PILRB: variants seen among roughly 807,000 people sequenced by gnomAD.
PILRB encodes the protein paired immunoglobulin-like type 2 receptor beta.
A neutral mutation model predicts 20.5 loss-of-function variants in PILRB; 21 were observed. The observed-to-expected ratio is 1.02, with a 90% CI of 0.72 to 1.47. PILRB has a LOEUF of 1.47. Among genes scored for constraint, PILRB ranks in the 40% most tolerant of loss-of-function variants. The pLI is 0.00. For missense variants in PILRB, 253 were observed against 272.1 expected (o/e 0.93, Z 0.49); for synonymous variants, 133 against 115.1 (o/e 1.16, Z -0.99).
intron 3 of PILRB, among the ~76,000 whole-genome samples, chr7:100,365,842 T>C (rs1049753585): frequency 6.6e-6 from 1 of 151,970 alleles, no homozygotes; most frequent in African/African-American, 2.4e-5. Flanking sequence ...TGGGTTTCAG[T>C]TTCGCAAGAT....
rs147249589 is a variant in PILRB, at chr7:100,364,518, G to T, written c.656-2831G>T. Among the ~76,000 whole-genome samples, 538 of 152,268 alleles carry T rather than the reference G, an allele frequency of 3.5e-3. 4 individuals carry two copies. The highest frequency in any genetic ancestry group is 0.012 in the African/African-American group (510 of 41,528). On this transcript the variant is annotated intron_variant, in intron 3 of 3. Transcript: ENST00000609309. Reference sequence around the variant, plus strand: ...ATCAAGGTTGTTTGACTCCAGGGCAGGATTTATGATACGTACCTGCTCTTA... The same window carrying T: ...ATCAAGGTTGTTTGACTCCAGGGCATGATTTATGATACGTACCTGCTCTTA...
At chr7:100,360,396 T>A (rs180733927) in intron 3 of PILRB, among the ~76,000 whole-genome samples, 27 of 152,316 alleles carry the variant, frequency 1.8e-4, no homozygotes, top group African/African-American at 6.0e-4. Context: ...CAGGGAGGAC[T>A]TCCCACAGGA....
intron 1 of PILRB, 87 bp downstream of exon 1, chr7:100,358,453 G>A: frequency 6.6e-7 from 1 of 1,511,324 alleles, no homozygotes; most frequent in East Asian, 2.3e-5. Context: ...TCTGGGGCAG[G>A]GGCCAGGCTC....
chr7:100,367,124 C>G (rs1374736743), intron 3 of PILRB, among the ~76,000 whole-genome samples: 1 of 152,132 alleles, frequency 6.6e-6, no homozygotes, highest in Non-Finnish European at 1.5e-5. Flanking sequence ...CAACCCCAGC[C>G]AGCTGAGTGC....
intron 3 of PILRB, among the ~76,000 whole-genome samples, chr7:100,362,396 G>T (rs1285938712): frequency 1.3e-5 from 2 of 152,136 alleles, no homozygotes; most frequent in Non-Finnish European, 2.9e-5. Context: ...TGGAATGCAT[G>T]TATCACCCAA....
rs758126755 is a variant in PILRB, at chr7:100,367,411, G to T, written c.*34G>T. ...GTGTGGGGAGAAGGGATGTGTATTA[G>T]CCCCGGAGGACGTGATGTGAGACCC... On this transcript the variant is annotated 3_prime_UTR_variant, in exon 4 of 4. Coordinates refer to ENST00000609309, the MANE Select transcript of PILRB (RefSeq NM_178238.4). The T allele has an allele frequency of 2.6e-6, 2 of 780,712 alleles. No homozygotes were observed. Among genetic ancestry groups the T allele is most frequent in the South Asian group, 2.7e-5 (2 of 74,618 alleles). The allele number at this position is 780,712 out of a possible 1,614,324, so 48.4% of individuals were successfully genotyped here.
chr7:100,359,655 C>A, intron 3 of PILRB, 118 bp downstream of exon 3: 3 of 847,202 alleles, frequency 3.5e-6, no homozygotes, highest in Non-Finnish European at 5.7e-6. Flanking sequence ...TCAAGCCCAC[C>A]AAGGCCGACT....
At position 100,367,718 on chromosome 7, in the gene PILRB, TA is replaced by T; in HGVS notation, c.*342del. 1 of 288,668 alleles carries T rather than the reference TA, an allele frequency of 3.5e-6. No homozygotes were observed. The highest frequency in any genetic ancestry group is 6.5e-6 in the Non-Finnish European group (1 of 153,004). The allele number at this position is 288,668 out of a possible 1,614,324, so 17.9% of individuals were successfully genotyped here. A position where few individuals can be genotyped will look rare whatever the true frequency, so the allele number is the denominator to read the frequency against. On this transcript the variant is annotated 3_prime_UTR_variant, in exon 4 of 4. Coordinates refer to ENST00000609309, the MANE Select transcript of PILRB (RefSeq NM_178238.4). ...TCCCCAAGGATGGAAAAATACAATT[TA>T]TTTTGCTTACCATACACCCCTTTTC... is the stretch of plus-strand genomic sequence containing the variant.
chr7:100,367,360 CCAAG>C lies in PILRB; in HGVS notation c.670_673del (p.Ser224ValfsTer15), dbSNP rs753098462. On this transcript the variant is annotated frameshift_variant, in exon 4 of 4. Transcript: ENST00000609309. LOFTEE classifies it high-confidence loss of function. Reference sequence around the variant, plus strand: ...TTCCCCTCCTGCAGGTAGCAGGGCGCCAAGCAGTGACTTCTGACCAACAGAGTGT... The same window carrying C: ...TTCCCCTCCTGCAGGTAGCAGGGCGCCAGTGACTTCTGACCAACAGAGTGT... 1.3e-6 allele frequency: 1 copy of C among 780,958 alleles called. No homozygotes were observed. Among genetic ancestry groups the C allele is most frequent in the African/African-American group, 1.7e-5 (1 of 59,256 alleles). 48.4% of individuals were successfully genotyped at this position (780,958 alleles called of 1,614,324 possible).
At chr7:100,359,597 A>T in intron 3 of PILRB, 60 bp downstream of exon 3, 1 of 1,424,114 alleles carries the variant, frequency 7.0e-7, no homozygotes, top group Admixed American at 1.8e-5. Flanking sequence ...CTCTGAGCCC[A>T]CCTGCAGCTA....
rs757114286 is a variant in PILRB, at chr7:100,359,550, A to G, written c.655+13A>G. 1.9e-5 allele frequency: 31 copies of G among 1,609,750 alleles called. No individual in the cohort carries two copies. In the East Asian group the frequency reaches 6.5e-4, roughly 34 times the overall value. On this transcript the variant is annotated intron_variant, in intron 3 of 3. Transcript: ENST00000609309. ...AGGAGAAGGAAAGGTAAGTGCCCAG[A>G]ACGCACTGTCTCCTCAAGCTTCCCA...
intron 2 of PILRB, 45 bp from the exon 3 acceptor site, chr7:100,359,292 C>T (rs776089233): frequency 6.3e-7 from 1 of 1,599,756 alleles, no homozygotes; most frequent in East Asian, 2.2e-5. Context: ...ATCCAGACGC[C>T]CCACACCCCC....
intron 3 of PILRB, among the ~76,000 whole-genome samples, chr7:100,364,545 A>G (rs1790621300): frequency 6.6e-6 from 1 of 152,216 alleles, no homozygotes; most frequent in African/African-American, 2.4e-5. Flanking sequence ...CTGCTCTTAC[A>G]CAAGAACGAT....
At chr7:100,362,253 G>A (rs1452960970) in intron 3 of PILRB, among the ~76,000 whole-genome samples, 1 of 152,076 alleles carries the variant, frequency 6.6e-6, no homozygotes, top group East Asian at 1.9e-4. Flanking sequence ...GACCCTGCAA[G>A]AAAAACAATA....
intron 3 of PILRB, among the ~76,000 whole-genome samples, chr7:100,361,774 A>G (rs892994640): frequency 1.3e-5 from 2 of 152,124 alleles, no homozygotes; most frequent in East Asian, 1.9e-4. Flanking sequence ...AACATGGAGT[A>G]GGGGCTGCCT....
rs1371646384 is a variant in PILRB at position 100,358,334 on chromosome 7, TCCTG to T, written c.34_37del (p.Leu12CysfsTer49). The T allele has an allele frequency of 2.5e-6, 4 of 1,612,760 alleles. No homozygotes were observed. Among genetic ancestry groups the T allele is most frequent in the Non-Finnish European group, 3.4e-6 (4 of 1,179,984 alleles). On this transcript the variant is annotated frameshift_variant, in exon 1 of 4. Coordinates refer to ENST00000609309, the MANE Select transcript of PILRB (RefSeq NM_178238.4). LOFTEE classifies it high-confidence loss of function. ...CGGCCCCTGCTGCTGCCCCTGCTGC[TCCTG>T]CTGCAGCCGCCAGCATTTCTGCAGC...
intron 3 of PILRB, among the ~76,000 whole-genome samples, chr7:100,366,731 G>A (rs1366483313): frequency 5.3e-5 from 8 of 151,988 alleles, no homozygotes; most frequent in Non-Finnish European, 7.4e-5. Flanking sequence ...AGGGAGAGGT[G>A]GGGGTGCCTA....
chr7:100,367,574 GCCTTCATCCA>G lies in PILRB; in HGVS notation c.*198_*207del. 1.7e-6 allele frequency: 1 copy of G among 602,192 alleles called. No homozygotes were observed. Among genetic ancestry groups the G allele is most frequent in the Non-Finnish European group, 3.0e-6 (1 of 331,416 alleles). 37.3% of individuals were successfully genotyped at this position (602,192 alleles called of 1,614,324 possible). A position where few individuals can be genotyped will look rare whatever the true frequency, so the allele number is the denominator to read the frequency against. On this transcript the variant is annotated 3_prime_UTR_variant, in exon 4 of 4. Coordinates refer to ENST00000609309, the MANE Select transcript of PILRB (RefSeq NM_178238.4). ...GACTGGAGGAGAGTTACCTACAAGA[GCCTTCATCCA>G]GGAGCATCCACACTGCAATGATATA...
At chr7:100,363,304 G>A (rs1563110074) in intron 3 of PILRB, among the ~76,000 whole-genome samples, 1 of 152,112 alleles carries the variant, frequency 6.6e-6, no homozygotes, top group Non-Finnish European at 1.5e-5. Flanking sequence ...ATTACCTGTT[G>A]AATGAATGAA....
Sources: gnomAD v4.1 joint callset for allele counts (sites outside exome capture counted in the v4.1 genomes callset) on GRCh38, gnomAD v4.1.1 for gene constraint, MANE v1.5 for transcripts, NCBI Gene and HGNC (gene_info 2026-07-23, HGNC 2026-07-21) for gene names.